The following NSMCE2 variants were observed in gnomAD, a reference collection of about 807,000 sequenced individuals.
NSMCE2 encodes NSE2 SUMO ligase component of SMC5/6 complex.
Under a neutral mutation model 23.8 loss-of-function variants are expected in NSMCE2, and 24 were observed. That is an observed-to-expected ratio of 1.01 (90% confidence interval 0.73 to 1.42). The LOEUF is 1.42. Ranked by LOEUF, NSMCE2 falls within the 40% of genes most tolerant of loss-of-function variation. The pLI, the probability that NSMCE2 is intolerant of heterozygous loss-of-function variation, is 0.00. For synonymous variants in NSMCE2, 92 were observed against 94.1 expected (o/e 0.98, Z 0.13); for missense variants, 284 against 296.5 (o/e 0.96, Z 0.31).
chr8:125,143,322 A>T (rs1394921375), intron 3 of NSMCE2, among the ~76,000 whole-genome samples: 1 of 152,202 alleles, frequency 6.6e-6, no homozygotes, highest in African/African-American at 2.4e-5. Flanking sequence ...TTTTAATTTG[A>T]AGAGATTAGG....
At chr8:125,113,537 A>G (rs190022132) in intron 3 of NSMCE2, among the ~76,000 whole-genome samples, 31 of 152,316 alleles carry the variant, frequency 2.0e-4, no homozygotes, top group Admixed American at 1.6e-3. Context: ...AACTTATGAG[A>G]AATACATTTC....
intron 3 of NSMCE2, among the ~76,000 whole-genome samples, chr8:125,143,189 G>GT (rs200951990): frequency 1.3e-5 from 2 of 151,802 alleles, no homozygotes; most frequent in Non-Finnish European, 2.9e-5. Flanking sequence ...GAGAAGAAGG[G>GT]TTTTTTTTGT....
intron 5 of NSMCE2, among the ~76,000 whole-genome samples, chr8:125,346,916 T>C (rs964348544): frequency 6.6e-6 from 1 of 152,188 alleles, no homozygotes; most frequent in African/African-American, 2.4e-5. Flanking sequence ...CATGATAACA[T>C]GAAAGGGTAT....
intron 3 of NSMCE2, among the ~76,000 whole-genome samples, chr8:125,139,532 A>G (rs956533090): frequency 1.3e-5 from 2 of 152,206 alleles, no homozygotes; most frequent in African/African-American, 4.8e-5. Context: ...GCAGAAGGCA[A>G]AGGAGTAGCA....
At chr8:125,359,563 G>T (rs1270609249) in intron 7 of NSMCE2, among the ~76,000 whole-genome samples, 1 of 151,936 alleles carries the variant, frequency 6.6e-6, no homozygotes, top group African/African-American at 2.4e-5. Flanking sequence ...AAACTCCCGA[G>T]CTCAGGTGAT....
chr8:125,196,192 CTTTTTTTTTTCTTTTT>C, intron 5 of NSMCE2, among the ~76,000 whole-genome samples: 1 of 144,712 alleles, frequency 6.9e-6, no homozygotes, highest in African/African-American at 2.6e-5. Flanking sequence ...CCCTGGATAA[CTTTTTTTTTTCTTTTT>C]TTTTTTTTTT....
At chr8:125,347,282 A>G (rs1035290063) in intron 5 of NSMCE2, among the ~76,000 whole-genome samples, 1 of 152,198 alleles carries the variant, frequency 6.6e-6, no homozygotes, top group Admixed American at 6.5e-5. Context: ...TCCAGAGCCC[A>G]TGTTCCTAAA....
chr8:125,300,093 A>G (rs1184569262), intron 5 of NSMCE2, among the ~76,000 whole-genome samples: 3 of 151,550 alleles, frequency 2.0e-5, no homozygotes, highest in Admixed American at 2.0e-4. Flanking sequence ...TGCTGGGATT[A>G]CAGGCATGAG....
Position 125,192,371 on chromosome 8 carries a change from A to G in NSMCE2, c.418+10115A>G, listed in dbSNP as rs1018906246. ...AAGAAAGTTTAAGTAGAATTTTGGC[A>G]TCTTAGTGCGTGGTGTGTTATTGTG... On this transcript the variant is annotated intron_variant, in intron 5 of 7. Coordinates refer to ENST00000287437, the MANE Select transcript of NSMCE2 (RefSeq NM_173685.4). 4.7e-5 allele frequency among the ~76,000 whole-genome samples: 7 copies of G among 150,132 alleles called. No homozygotes were observed. The East Asian group carries it at 1.4e-3, about 29-fold the overall frequency.
chr8:125,093,353 C>T (rs1343523296), intron 1 of NSMCE2, among the ~76,000 whole-genome samples: 1 of 152,118 alleles, frequency 6.6e-6, no homozygotes, highest in African/African-American at 2.4e-5. Context: ...GTGACACAAA[C>T]ATTCAGACTT....
intron 5 of NSMCE2, among the ~76,000 whole-genome samples, chr8:125,207,646 A>C (rs1824166454): frequency 6.6e-6 from 1 of 152,212 alleles, no homozygotes; most frequent in Non-Finnish European, 1.5e-5. Context: ...TAGTAGCTTA[A>C]AATAACCATT....
intron 5 of NSMCE2, among the ~76,000 whole-genome samples, chr8:125,345,810 T>A (rs1374074599): frequency 1.3e-5 from 2 of 152,132 alleles, no homozygotes. Context: ...GAGTAGGAGA[T>A]GAGGATACTT....
intron 4 of NSMCE2, among the ~76,000 whole-genome samples, chr8:125,179,314 G>A (rs1273807505): frequency 6.6e-6 from 1 of 152,124 alleles, no homozygotes; most frequent in Non-Finnish European, 1.5e-5. Flanking sequence ...CTCCAGCTGG[G>A]TGACAGAGCC....
intron 5 of NSMCE2, among the ~76,000 whole-genome samples, chr8:125,277,528 A>G (rs537303228): frequency 5.3e-5 from 8 of 150,220 alleles, no homozygotes; most frequent in Non-Finnish European, 8.9e-5. Flanking sequence ...TTTTTTCGAG[A>G]TGAAGTCTCG....
intron 7 of NSMCE2, 21 bp from the exon 8 acceptor site, chr8:125,366,747 G>A (rs761045075): frequency 7.2e-7 from 1 of 1,389,552 alleles, no homozygotes; most frequent in Admixed American, 1.7e-5. Flanking sequence ...GGACTGACTT[G>A]ATGTTCTTTC....
intron 5 of NSMCE2, among the ~76,000 whole-genome samples, chr8:125,269,342 T>A (rs1827080572): frequency 6.6e-6 from 1 of 152,188 alleles, no homozygotes; most frequent in Non-Finnish European, 1.5e-5. Flanking sequence ...TTCCTCCGCC[T>A]CCCAAAGTGC....
intron 5 of NSMCE2, among the ~76,000 whole-genome samples, chr8:125,283,469 A>G (rs952028290): frequency 2.0e-5 from 3 of 152,122 alleles, no homozygotes; most frequent in Non-Finnish European, 2.9e-5. Context: ...TCAGTGAGCC[A>G]AGATCATGCC....
chr8:125,284,852 A>G (rs1827834662), intron 5 of NSMCE2, among the ~76,000 whole-genome samples: 1 of 152,252 alleles, frequency 6.6e-6, no homozygotes, highest in Non-Finnish European at 1.5e-5. Context: ...TTCTGAGCTT[A>G]TGAAAAGAGA....
chr8:125,324,874 C>G (rs775997784), intron 5 of NSMCE2, among the ~76,000 whole-genome samples: 2 of 150,816 alleles, frequency 1.3e-5, no homozygotes, highest in African/African-American at 4.8e-5. Context: ...GCGCCCGGCC[C>G]ATTTTGATAA....
Sources: allele counts gnomAD v4.1 joint callset (sites outside exome capture counted in the v4.1 genomes callset), GRCh38; gene constraint gnomAD v4.1.1; transcripts MANE v1.5; gene names NCBI Gene and HGNC (gene_info 2026-07-23, HGNC 2026-07-21).